Variants in OOSP4B observed in about 807,000 individuals in gnomAD.
OOSP4B encodes the protein oocyte secreted protein family member 4B.
Position 60,018,692 on chromosome 11 carries a change from C to T in OOSP4B, c.22+1279C>T, listed in dbSNP as rs541732209. 5.3e-5 allele frequency among the ~76,000 whole-genome samples: 8 copies of T among 152,284 alleles called. No individual in the cohort carries two copies. The South Asian group carries it at 1.5e-3, about 28-fold the overall frequency. On this transcript the variant is annotated intron_variant, in intron 1 of 4. Coordinates refer to ENST00000642343, the Ensembl canonical transcript of OOSP4B. ...TACCCAGTATCAAATCTCAAACCTG[C>T]GATTACCTTTCTCATAATCAGACTT...
At chr11:60,021,817 C>T (rs893052640) in intron 1 of OOSP4B, among the ~76,000 whole-genome samples, 1 of 151,992 alleles carries the variant, frequency 6.6e-6, no homozygotes, top group Non-Finnish European at 1.5e-5. Flanking sequence ...AACCCTGTCT[C>T]TGCTAAAAAT....
intron 4 of OOSP4B, 148 bp downstream of exon 4, chr11:60,030,077 A>G (rs1854791855): frequency 2.6e-6 from 1 of 391,730 alleles, no homozygotes; most frequent in South Asian, 1.4e-4. Context: ...TAGGTACCGT[A>G]GTCTGTACTT....
intron 1 of OOSP4B, chr11:60,021,486 A>C (rs1854690122): frequency 6.6e-6 from 1 of 152,238 alleles, no homozygotes; most frequent in African/African-American, 2.4e-5. Flanking sequence ...TCAGTGGACA[A>C]AGAAGACACT....
intron 1 of OOSP4B, among the ~76,000 whole-genome samples, chr11:60,019,023 C>T (rs1854655767): frequency 6.6e-6 from 1 of 151,956 alleles, no homozygotes; most frequent in African/African-American, 2.4e-5. Flanking sequence ...TCGAGACCAG[C>T]CTGACCAATA....
At chr11:60,023,673 A>T (rs1670182662) in intron 1 of OOSP4B, among the ~76,000 whole-genome samples, 1 of 152,162 alleles carries the variant, frequency 6.6e-6, no homozygotes, top group Non-Finnish European at 1.5e-5. Context: ...ACCTCAGGTG[A>T]TCCACCTGCC....
chr11:60,028,162 ACT>A (rs760778030), intron 3 of OOSP4B, among the ~76,000 whole-genome samples: 2 of 149,762 alleles, frequency 1.3e-5, no homozygotes, highest in African/African-American at 2.5e-5. Context: ...TTTCGTAGTC[ACT>A]GTTTTTTTTT....
At chr11:60,018,791 G>A (rs375047788) in intron 1 of OOSP4B, among the ~76,000 whole-genome samples, 3 of 152,066 alleles carry the variant, frequency 2.0e-5, no homozygotes, top group East Asian at 3.9e-4. Context: ...TTTTGTATGT[G>A]GGTCTTTCTC....
At chr11:60,019,004 G>A (rs1854655015) in intron 1 of OOSP4B, among the ~76,000 whole-genome samples, 1 of 152,050 alleles carries the variant, frequency 6.6e-6, no homozygotes, top group Admixed American at 6.5e-5. Flanking sequence ...ATCACATGAG[G>A]TCAGGAGTTC....
intron 1 of OOSP4B, among the ~76,000 whole-genome samples, chr11:60,021,007 A>G (rs1232548953): frequency 6.6e-6 from 1 of 152,230 alleles, no homozygotes; most frequent in Admixed American, 6.5e-5. Context: ...GGCACACACA[A>G]CGTCTTCCAT....
intron 3 of OOSP4B, among the ~76,000 whole-genome samples, chr11:60,026,527 G>T (rs1854747674): frequency 6.6e-6 from 1 of 152,068 alleles, no homozygotes; most frequent in African/African-American, 2.4e-5. Flanking sequence ...TTGCAACTTA[G>T]CAATGCCATT....
chr11:60,022,412 A>G (rs1406796106), intron 1 of OOSP4B: 1 of 152,188 alleles, frequency 6.6e-6, no homozygotes, highest in South Asian at 2.1e-4. Flanking sequence ...ACTTTCTTAT[A>G]TGAATAACTT....
intron 1 of OOSP4B, chr11:60,021,925 A>C (rs962321775): frequency 1.3e-5 from 2 of 149,056 alleles, no homozygotes; most frequent in African/African-American, 4.9e-5. Flanking sequence ...TGGAGGTTGC[A>C]GTGAGCCAAG....
chr11:60,022,553 C>T (rs1206190614), intron 1 of OOSP4B, among the ~76,000 whole-genome samples: 2 of 152,200 alleles, frequency 1.3e-5, no homozygotes, highest in Non-Finnish European at 2.9e-5. Flanking sequence ...GGTTTCTAGG[C>T]CAAATAAGGC....
chr11:60,027,412 C>T (rs200822165), intron 3 of OOSP4B, among the ~76,000 whole-genome samples: 6 of 151,894 alleles, frequency 4.0e-5, no homozygotes, highest in African/African-American at 1.5e-4. Context: ...CTTCCTGGAA[C>T]GGGGTAGAAA....
At chr11:60,028,631 G>A (rs1033759282) in intron 3 of OOSP4B, among the ~76,000 whole-genome samples, 28 of 152,106 alleles carry the variant, frequency 1.8e-4, no homozygotes, top group African/African-American at 5.8e-4. Context: ...CAGCTACGCT[G>A]GGGTTTGAGT....
At chr11:60,028,848 A>G (rs1206348074) in intron 3 of OOSP4B, among the ~76,000 whole-genome samples, 1 of 152,108 alleles carries the variant, frequency 6.6e-6, no homozygotes, top group Non-Finnish European at 1.5e-5. Flanking sequence ...GGTCTTCCTC[A>G]CTTAATGACT....
intron 3 of OOSP4B, among the ~76,000 whole-genome samples, chr11:60,029,414 T>TA (rs1176923545): frequency 2.0e-5 from 3 of 152,192 alleles, no homozygotes; most frequent in Non-Finnish European, 4.4e-5. Flanking sequence ...TTTGCATACA[T>TA]ATGGGTCTCT....
intron 3 of OOSP4B, among the ~76,000 whole-genome samples, chr11:60,027,317 G>A (rs1854754350): frequency 6.6e-6 from 1 of 152,094 alleles, no homozygotes; most frequent in African/African-American, 2.4e-5. Context: ...GCCTGGCTAA[G>A]ATTTTGGTGG....
At chr11:60,019,101 T>C (rs1854657381) in intron 1 of OOSP4B, among the ~76,000 whole-genome samples, 1 of 152,060 alleles carries the variant, frequency 6.6e-6, no homozygotes, top group Non-Finnish European at 1.5e-5. Context: ...TGCGTGCCTG[T>C]AATCCCGACT....
Sources: allele counts gnomAD v4.1 joint callset (sites outside exome capture counted in the v4.1 genomes callset), GRCh38; gene constraint gnomAD v4.1.1; transcripts MANE v1.5; gene names NCBI Gene and HGNC (gene_info 2026-07-23, HGNC 2026-07-21).